The following ACHE variants were observed in gnomAD, a reference collection of about 807,000 sequenced individuals.
ACHE encodes acetylcholinesterase (Yt blood group), also known as acetylcholinesterase.
Under a neutral mutation model 53.9 loss-of-function variants are expected in ACHE, and 19 were observed. That is an observed-to-expected ratio of 0.35 (90% CI 0.25 to 0.52). The LOEUF (loss-of-function observed/expected upper bound fraction) is 0.52. Ranked by LOEUF, ACHE falls within the 20% of genes least tolerant of loss-of-function variation. The pLI, the probability that ACHE is intolerant of heterozygous loss-of-function variation, is 0.95. For synonymous variants in ACHE, 392 were observed against 378.1 expected, an observed-to-expected ratio of 1.04 and a Z score of -0.43; for missense variants, 605 against 849.4, an observed-to-expected ratio of 0.71 and a Z score of 3.58.
Position 100,892,474 on chromosome 7 carries a change from G to C in ACHE, c.1413C>G (p.Pro471=). ...AGCCGTGGGGCACCCCCATCCACAG[G>C]GGCCAGGAGAGCGTGGAAGCACGGT... ...FEHRASTLSW[P]LWMGVPHGYE... Residue 471 remains proline (P), a synonymous_variant, in exon 3 of 5, where the codon CCC becomes CCG. Transcript: ENST00000241069. This position sits in a 1 kb window ranked among gnomAD's most constrained non-coding sequence, Gnocchi z 5.2. The C allele has an allele frequency of 6.4e-7, 1 of 1,573,612 alleles. No homozygotes were observed. Among genetic ancestry groups the C allele is most frequent in the Non-Finnish European group, 8.7e-7 (1 of 1,152,616 alleles).
chr7:100,890,633 C>T, intron 4 of ACHE: 1 of 1,385,122 alleles, frequency 7.2e-7, no homozygotes, highest in Non-Finnish European at 9.3e-7. Flanking sequence ...AAAGAAGAGA[C>T]AGAAATGGTT....
intron 4 of ACHE, 50 bp downstream of exon 4, chr7:100,891,119 C>A (rs1177606562): frequency 6.4e-7 from 1 of 1,560,696 alleles, no homozygotes; most frequent in African/African-American, 1.4e-5. Flanking sequence ...TTACACCTGG[C>A]GGGCTCCCAC....
chr7:100,892,585 G>A lies in ACHE; in HGVS notation c.1302C>T (p.Gly434=), dbSNP rs772928592. The A allele has an allele frequency of 6.8e-6, 11 of 1,613,156 alleles. No homozygotes were observed. The highest frequency in any genetic ancestry group is 1.7e-5 in the Admixed American group (1 of 59,960). The part of the protein sequence containing the change: ...RLREALSDVV[G]DHNVVCPVAQ... ...CCACGGGGCACACGACATTGTGGTCGCCCACCACATCGCTCAGGGCCTCCC... is the reference window on the plus strand; with the variant it reads ...CCACGGGGCACACGACATTGTGGTCACCCACCACATCGCTCAGGGCCTCCC... The change falls in exon 3 of 5, where the codon GGC becomes GGT. Residue 434 remains glycine (G), a synonymous_variant. Transcript: ENST00000241069. The surrounding 1 kb of genome is among the most constrained non-coding windows in gnomAD (Gnocchi z 5.2).
Position 100,893,685 on chromosome 7 carries a change from C to A in ACHE, c.548G>T (p.Arg183Leu). The change falls in exon 2 of 5, where the codon CGG becomes CTG. Residue 183 changes from arginine to leucine, a missense_variant. By Grantham distance (102) the Arg-to-Leu change is moderately radical (BLOSUM62 -2). Coordinates refer to ENST00000241069, the MANE Select transcript of ACHE (RefSeq NM_000665.5). ...ERTVLVSMNYRVGAFGFLALP... is the reference protein window; with the variant it reads ...ERTVLVSMNYLVGAFGFLALP... Reference sequence around the variant, plus strand: ...GGCCAGGAAGCCAAAGGCTCCCACCCGGTAGTTCATGGACACCAGCACAGT... The same window carrying A: ...GGCCAGGAAGCCAAAGGCTCCCACCAGGTAGTTCATGGACACCAGCACAGT... 1 of 1,613,354 alleles carries A rather than the reference C, an allele frequency of 6.2e-7. No individual in the cohort carries two copies. Among genetic ancestry groups the A allele is most frequent in the East Asian group, 2.2e-5 (1 of 44,876 alleles).
rs1790871883 is a variant in ACHE, at chr7:100,894,060, C to T, written c.173G>A (p.Gly58Asp). 1 of 1,569,168 alleles carries T rather than the reference C, an allele frequency of 6.4e-7. No homozygotes were observed. Residue 58 changes from glycine (G) to aspartate (D), a missense_variant, in exon 2 of 5, where the codon GGC becomes GAC. Gly to Asp is a moderately conservative substitution (Grantham distance 94). Transcript: ENST00000241069. ...GATGCCCAGGAAAGCAGAGACAGGG[C>T]CCCCGGGGGTCTTCAGGCGAATGCC... ...LRGIRLKTPG[G>D]PVSAFLGIPF...
At chr7:100,895,300 G>A (rs1790979615) in intron 1 of ACHE, among the ~76,000 whole-genome samples, 1 of 152,208 alleles carries the variant, frequency 6.6e-6, no homozygotes, top group Non-Finnish European at 1.5e-5. Context: ...AACCCGAGTG[G>A]CGCTAATTAT....
chr7:100,893,091 TG>T, intron 2 of ACHE, 73 bp downstream of exon 2: 3 of 1,469,658 alleles, frequency 2.0e-6, no homozygotes, highest in Non-Finnish European at 2.8e-6. Flanking sequence ...CCCTCATGCC[TG>T]GGTCCCTGCA....
chr7:100,896,985 G>C (rs1222296288), upstream of ACHE: 3 of 149,620 alleles, frequency 2.0e-5, no homozygotes, highest in Non-Finnish European at 4.5e-5. Context: ...GGCCAGCGTC[G>C]GGCGTGCGTG....
chr7:100,892,407 G>C lies in ACHE; in HGVS notation c.1480C>G (p.Arg494Gly). 6.6e-7 allele frequency: 1 copy of C among 1,518,260 alleles called. No homozygotes were observed. The highest frequency in any genetic ancestry group is 8.8e-7 in the Non-Finnish European group (1 of 1,130,746). The allele number at this position is 1,518,260 out of a possible 1,614,324, so 94.0% of individuals were successfully genotyped here. Residue 494 changes from arginine to glycine, a missense_variant, in exon 3 of 5, where the codon CGA becomes GGA. This residue lies in a region of ACHE where 397 missense variants were observed against 632.5 expected (regional missense o/e 0.63). Coordinates refer to ENST00000241069, the MANE Select transcript of ACHE (RefSeq NM_000665.5). The surrounding 1 kb of genome is among the most constrained non-coding windows in gnomAD (Gnocchi z 5.2). ...ATTTTCTCCTCTGCCGTGTAGTTTC[G>C]AGAGGGGTCCAGGGGGATCCCAAAG... is the stretch of plus-strand genomic sequence containing the variant. ...FIFGIPLDPS[R>G]NYTAEEKIFA...
Position 100,894,149 on chromosome 7 carries a change from T to C in ACHE, c.84A>G (p.Gly28=). ...LLLLLWLLGG[G]VGAEGREDAE... The stretch of plus-strand genomic sequence containing the variant: ...CATCCTCCCGGCCCTCAGCCCCCAC[T>C]CCTCCACCCAGGAGCCAGAGGAGGA... The change falls in exon 2 of 5, where the codon GGA becomes GGG. Residue 28 remains glycine (G), a synonymous_variant. Coordinates refer to ENST00000241069, the MANE Select transcript of ACHE (RefSeq NM_000665.5). 1 of 1,483,798 alleles carries C rather than the reference T, an allele frequency of 6.7e-7. No individual in the cohort carries two copies. The highest frequency in any genetic ancestry group is 1.4e-5 in the African/African-American group (1 of 71,152). 91.9% of individuals were successfully genotyped at this position (1,483,798 alleles called of 1,614,324 possible). A position where few individuals can be genotyped will look rare whatever the true frequency, so the allele number is the denominator to read the frequency against.
At chr7:100,891,939 C>A (rs1299550132) in intron 3 of ACHE, among the ~76,000 whole-genome samples, 1 of 152,004 alleles carries the variant, frequency 6.6e-6, no homozygotes, top group Non-Finnish European at 1.5e-5. Flanking sequence ...AGCCACCGTG[C>A]CTGGCTAAGT....
chr7:100,891,177 C>A lies in ACHE; in HGVS notation c.1715G>T (p.Ser572Ile), dbSNP rs1790662239. ...FWNRFLPKLL[S>I]ATDTLDEAER... is the part of the protein sequence containing the mutation. ...CGCTGGCCCCTGCATACCGGTGGCG[C>A]TGAGCAATTTGGGGAGGAAGCGGTT... The change falls in exon 4 of 5, where the codon AGC becomes ATC. Residue 572 changes from serine to isoleucine, a missense_variant. Physicochemically the swap from Ser to Ile is moderately radical, Grantham distance 142. Coordinates refer to ENST00000241069, the MANE Select transcript of ACHE (RefSeq NM_000665.5). The A allele has an allele frequency of 6.8e-6, 11 of 1,605,936 alleles. No individual in the cohort carries two copies. The highest frequency in any genetic ancestry group is 9.3e-6 in the Non-Finnish European group (11 of 1,177,066).
intron 3 of ACHE, among the ~76,000 whole-genome samples, chr7:100,891,807 C>A (rs1318921116): frequency 1.7e-5 from 1 of 58,200 alleles, no homozygotes; most frequent in African/African-American, 3.9e-5. Context: ...TTTTTTTTTC[C>A]AGAGATAGGG....
upstream of ACHE, chr7:100,896,765 T>C (rs775474200): frequency 8.5e-5 from 27 of 318,994 alleles, no homozygotes; most frequent in African/African-American, 4.9e-4. Flanking sequence ...GGGAGCGGCC[T>C]GGCTCGGGCG....
chr7:100,894,364 C>G, intron 1 of ACHE, 112 bp from the exon 2 acceptor site: 1 of 681,124 alleles, frequency 1.5e-6, no homozygotes, highest in Non-Finnish European at 2.2e-6. Flanking sequence ...GGAGGTGGGG[C>G]AGGTTGGCAA....
chr7:100,894,371 G>T, intron 1 of ACHE, 119 bp from the exon 2 acceptor site: 1 of 636,576 alleles, frequency 1.6e-6, no homozygotes, highest in Non-Finnish European at 2.4e-6. Context: ...GGGCAGGTTG[G>T]CAAAGATGAG....
In ACHE at chr7:100,890,070, G is replaced by A; in HGVS notation, c.*144C>T. ...GGGAGCTCAGCCTGAGACATGCAGAGGACCGGGAGCCCCGGGGGACGTCGG... is the reference window on the plus strand; with the variant it reads ...GGGAGCTCAGCCTGAGACATGCAGAAGACCGGGAGCCCCGGGGGACGTCGG... On this transcript the variant is annotated 3_prime_UTR_variant, in exon 5 of 5. Transcript: ENST00000241069. The A allele has an allele frequency of 9.8e-7, 1 of 1,018,888 alleles. No homozygotes were observed. The highest frequency in any genetic ancestry group is 1.4e-6 in the Non-Finnish European group (1 of 711,874). 63.1% of individuals were successfully genotyped at this position (1,018,888 alleles called of 1,614,324 possible). A position where few individuals can be genotyped will look rare whatever the true frequency, so the allele number is the denominator to read the frequency against.
chr7:100,891,074 TG>T, intron 4 of ACHE, 94 bp downstream of exon 4: 1 of 1,517,152 alleles, frequency 6.6e-7, no homozygotes, highest in Non-Finnish European at 8.9e-7. Context: ...GGGCAGGTGC[TG>T]GGAGCCTCCG....
Position 100,892,836 on chromosome 7 carries a change from G to C in ACHE, c.1069-18C>G, listed in dbSNP as rs1339841888. ...ACCAGCACCTGGGGGTGAGGGAGAG[G>C]GGGGTGGGATGGAGCGACAGGCACA... On this transcript the variant is annotated intron_variant, in intron 2 of 4. Transcript: ENST00000241069. This position sits in a 1 kb window ranked among gnomAD's most constrained non-coding sequence, Gnocchi z 5.2. 20 of 1,556,550 alleles carry C rather than the reference G, an allele frequency of 1.3e-5. No individual in the cohort carries two copies. Among genetic ancestry groups the C allele is most frequent in the Non-Finnish European group, 1.6e-5 (19 of 1,153,972 alleles).
Sources: gnomAD v4.1 joint callset for allele counts (sites outside exome capture counted in the v4.1 genomes callset) on GRCh38, gnomAD v4.1.1 for gene constraint, gnomAD v4.1.1 regional missense constraint, Gnocchi (gnomAD v3.1) non-coding constraint, MANE v1.5 for transcripts, NCBI Gene and HGNC (gene_info 2026-07-23, HGNC 2026-07-21) for gene names.